DST: variants seen among roughly 807,000 people sequenced by gnomAD.
DST encodes the protein bullous pemphigoid antigen.
DST carries 253 observed loss-of-function variants against 875.2 expected under a neutral mutation model. That is an observed-to-expected ratio of 0.29 (90% CI 0.26 to 0.32). The LOEUF is 0.32. Ranked by LOEUF, DST falls within the 10% of genes least tolerant of loss-of-function variation. The probability of loss-of-function intolerance (pLI) is 1.00; values close to 1 mark genes in which losing one functional copy is unlikely to be tolerated. For synonymous variants in DST, 3,124 were observed against 3,197.1 expected, an observed-to-expected ratio of 0.98 and a Z score of 0.77; for missense variants, 8,287 against 9,111.6, an observed-to-expected ratio of 0.91 and a Z score of 3.68.
intron 36 of DST, chr6:56,618,206 C>T (rs1260935653): frequency 6.2e-7 from 1 of 1,614,058 alleles, no homozygotes. Context: ...GAGTGGAGCC[C>T]CTGGTGGCTG....
At chr6:56,806,186 A>C (rs1230564677) in intron 4 of DST, among the ~76,000 whole-genome samples, 2 of 152,198 alleles carry the variant, frequency 1.3e-5, no homozygotes, top group Non-Finnish European at 2.9e-5. Flanking sequence ...TTTCTCCCCC[A>C]CTTTCCCATA....
At chr6:56,697,950 A>C (rs2099272982) in intron 9 of DST, among the ~76,000 whole-genome samples, 1 of 152,172 alleles carries the variant, frequency 6.6e-6, no homozygotes, top group Admixed American at 6.5e-5. Context: ...TCTGCGCTTC[A>C]TGCCAAATTA....
intron 4 of DST, among the ~76,000 whole-genome samples, chr6:56,769,970 T>C (rs1456254610): frequency 1.3e-5 from 2 of 152,220 alleles, no homozygotes; most frequent in African/African-American, 4.8e-5. Flanking sequence ...TCAAAACTCA[T>C]GTGTAAGGAA....
intron 2 of DST, among the ~76,000 whole-genome samples, chr6:56,931,135 G>C (rs921922581): frequency 6.6e-6 from 1 of 152,192 alleles, no homozygotes. Context: ...GATTGGAGTT[G>C]AGGGTAGAAG....
At chr6:56,798,199 T>C (rs1004951297) in intron 4 of DST, among the ~76,000 whole-genome samples, 4 of 152,246 alleles carry the variant, frequency 2.6e-5, no homozygotes, top group African/African-American at 9.6e-5. Context: ...AATGGAAGAC[T>C]ATACCATAGA....
chr6:56,705,639 T>C (rs1379723526), intron 5 of DST, among the ~76,000 whole-genome samples: 1 of 152,210 alleles, frequency 6.6e-6, no homozygotes, highest in Non-Finnish European at 1.5e-5. Context: ...GAATTTCTTA[T>C]CAAATTTACC....
chr6:56,851,231 T>G (rs1372175541), intron 4 of DST, 166 bp downstream of exon 4: 1 of 671,016 alleles, frequency 1.5e-6, no homozygotes, highest in African/African-American at 1.8e-5. Flanking sequence ...CAAATGGCTC[T>G]ATCGGTAAAA....
chr6:56,572,993 C>T lies in DST; in HGVS notation c.13308G>A (p.Met4436Ile). 6.2e-7 allele frequency: 1 copy of T among 1,607,784 alleles called. No individual in the cohort carries two copies. Among genetic ancestry groups the T allele is most frequent in the Non-Finnish European group, 8.5e-7 (1 of 1,177,136 alleles). ...NAMNEKVKKF[M>I]ETTDPSTASS... Reference sequence around the variant, plus strand: ...ATGCAGTGGATGGATCTGTTGTTTCCATAAATTTCTTCACTTTTTCATTCA... The same window carrying T: ...ATGCAGTGGATGGATCTGTTGTTTCTATAAATTTCTTCACTTTTTCATTCA... Residue 4436 changes from methionine (M) to isoleucine (I), a missense_variant, in exon 52 of 104, where the codon ATG becomes ATA. Around this residue, in one of 10 missense-constraint regions of DST, gnomAD observed 1,513 missense variants for 1,677.8 expected, o/e 0.90. Transcript: ENST00000680361.
In DST at chr6:56,619,453, T is replaced by C; in HGVS notation, c.4930-4969A>G. 3 of 1,611,768 alleles carry C rather than the reference T, an allele frequency of 1.9e-6. No individual in the cohort carries two copies. The highest frequency in any genetic ancestry group is 2.5e-6 in the Non-Finnish European group (3 of 1,179,540). On this transcript the variant is annotated intron_variant, in intron 36 of 103. Coordinates refer to ENST00000680361, the MANE Select transcript of DST (RefSeq NM_001374736.1). ...TCTCAAATTGTTCTTTTAGATGATC[T>C]GATTTTCTCTGGCAGATTTGTAGTC...
intron 2 of DST, among the ~76,000 whole-genome samples, chr6:56,918,794 G>A (rs1802619456): frequency 6.6e-6 from 1 of 152,158 alleles, no homozygotes; most frequent in Non-Finnish European, 1.5e-5. Flanking sequence ...TTGGGAGACT[G>A]AGGCAGGAGA....
intron 31 of DST, among the ~76,000 whole-genome samples, 174 bp from the exon 32 acceptor site, chr6:56,629,617 A>G (rs868666158): frequency 1.3e-5 from 2 of 152,214 alleles, no homozygotes; most frequent in Non-Finnish European, 1.5e-5. Context: ...GAAATTTTCA[A>G]TATTTGTACT....
intron 73 of DST, 42 bp from the exon 74 acceptor site, chr6:56,509,915 G>T: frequency 7.3e-7 from 1 of 1,372,140 alleles, no homozygotes; most frequent in Non-Finnish European, 1.0e-6. Context: ...AAAAAGATCT[G>T]TAATACCAAG....
At position 56,528,911 on chromosome 6, in the gene DST, G is replaced by A. The variant is rs1327978387; in HGVS notation, c.17610C>T (p.Asp5870=). The A allele has an allele frequency of 5.7e-6, 9 of 1,583,058 alleles. No individual in the cohort carries two copies. Among genetic ancestry groups the A allele is most frequent in the Non-Finnish European group, 7.7e-6 (9 of 1,162,288 alleles). Residue 5870 remains aspartate (D), a synonymous_variant, in exon 67 of 104, where the codon GAC becomes GAT. Transcript: ENST00000680361. ...CTACATTTTGTTTCCTGAGTAAGATGTCCTCTTGCAGAACCTGAAAACACA... is the reference window on the plus strand; with the variant it reads ...CTACATTTTGTTTCCTGAGTAAGATATCCTCTTGCAGAACCTGAAAACACA... ...QQSELRVLQE[D]ILLRKQNVDQ... is the part of the protein sequence containing the mutation.
intron 3 of DST, among the ~76,000 whole-genome samples, chr6:56,865,972 T>G (rs113356339): frequency 0.033 from 4,961 of 152,162 alleles, 284 homozygotes; most frequent in African/African-American, 0.11. Flanking sequence ...GCTATGTTTT[T>G]TTTTTGTTTT....
rs1274137719 is a variant in DST, at chr6:56,521,490, A to C, written c.18130-3870T>G. ...ATGTCTTCCCTATTTAAAAAAAAAA[A>C]AAAACTTTCCAGCAATAAACAGTAT... is the stretch of plus-strand genomic sequence containing the variant. On this transcript the variant is annotated intron_variant, in intron 69 of 103. Transcript: ENST00000680361. 6.6e-5 allele frequency among the ~76,000 whole-genome samples: 10 copies of C among 151,742 alleles called. 1 individual carries two copies. Among genetic ancestry groups the C allele is most frequent in the African/African-American group, 2.4e-4 (10 of 41,458 alleles).
intron 56 of DST, 81 bp from the exon 57 acceptor site, chr6:56,561,630 A>G (rs370164121): frequency 7.8e-6 from 11 of 1,408,240 alleles, no homozygotes; most frequent in Middle Eastern, 4.0e-4. Context: ...TTTGTTTTAC[A>G]TGGTATTTTG....
At chr6:56,902,359 T>C (rs1794497572) in intron 2 of DST, among the ~76,000 whole-genome samples, 2 of 152,136 alleles carry the variant, frequency 1.3e-5, no homozygotes, top group African/African-American at 4.8e-5. Context: ...TTCAGAGAGA[T>C]GAACAGTATG....
intron 10 of DST, among the ~76,000 whole-genome samples, chr6:56,653,000 CGTTTT>C (rs2098984894): frequency 6.6e-6 from 1 of 152,184 alleles, no homozygotes; most frequent in Non-Finnish European, 1.5e-5. Context: ...AATAAAAAAT[CGTTTT>C]GTTTCCGTAA....
At chr6:56,550,497 G>A (rs1039724970) in intron 61 of DST, among the ~76,000 whole-genome samples, 1 of 152,160 alleles carries the variant, frequency 6.6e-6, no homozygotes, top group Non-Finnish European at 1.5e-5. Flanking sequence ...CAGTGCAATG[G>A]TGAGAAAGCT....
Sources: allele counts gnomAD v4.1 joint callset (sites outside exome capture counted in the v4.1 genomes callset), GRCh38; gene constraint gnomAD v4.1.1; regional missense constraint gnomAD v4.1.1; transcripts MANE v1.5; gene names NCBI Gene and HGNC (gene_info 2026-07-23, HGNC 2026-07-21).